The following GMCL1 variants were observed in gnomAD, a reference collection of about 807,000 sequenced individuals.
GMCL1 encodes the protein germ cell-less 1, spermatogenesis associated.
GMCL1 carries 54 observed loss-of-function variants against 75.5 expected under a neutral mutation model. The observed-to-expected ratio is 0.71, with a 90% CI of 0.57 to 0.90. The LOEUF (loss-of-function observed/expected upper bound fraction) is 0.90, where lower values mean the gene tolerates loss of function less well. GMCL1 is among the 40% of genes least tolerant of loss of function. GMCL1 has a pLI of 0.00. For synonymous variants in GMCL1, 210 were observed against 209.6 expected (o/e 1.00, Z -0.02); for missense variants, 537 against 622.7 (o/e 0.86, Z 1.47).
chr2:69,865,978 C>T (rs561573642), intron 11 of GMCL1, among the ~76,000 whole-genome samples: 1 of 152,190 alleles, frequency 6.6e-6, no homozygotes, highest in South Asian at 2.1e-4. Context: ...TGGCTGGGCA[C>T]GGCGGCTCAT....
intron 1 of GMCL1, among the ~76,000 whole-genome samples, chr2:69,835,424 G>C (rs146826511): frequency 1.6e-3 from 246 of 151,654 alleles, no homozygotes; most frequent in African/African-American, 5.8e-3. Context: ...GGGGTGGAGG[G>C]AGTCTCTCTG....
At chr2:69,856,625 T>TC (rs147185666) in intron 9 of GMCL1, among the ~76,000 whole-genome samples, 17,942 of 146,182 alleles carry the variant, frequency 0.12, 1,456 homozygotes, top group Non-Finnish European at 0.18. Context: ...AACAAAATCT[T>TC]CCATCTCTTC....
chr2:69,865,185 A>C (rs1675774533), intron 11 of GMCL1, among the ~76,000 whole-genome samples: 1 of 152,196 alleles, frequency 6.6e-6, no homozygotes, highest in Non-Finnish European at 1.5e-5. Flanking sequence ...CTGAACTTAA[A>C]TTTTGAGTTC....
At chr2:69,858,310 C>T (rs1056517368) in intron 9 of GMCL1, among the ~76,000 whole-genome samples, 5 of 152,176 alleles carry the variant, frequency 3.3e-5, no homozygotes, top group African/African-American at 1.2e-4. Context: ...TCACTGTACC[C>T]AGCCCCTATT....
intron 13 of GMCL1, among the ~76,000 whole-genome samples, chr2:69,874,344 T>C (rs1323406450): frequency 6.6e-6 from 1 of 151,330 alleles, no homozygotes; most frequent in African/African-American, 2.4e-5. Context: ...AAAACAAATA[T>C]TTGTTTTAAT....
At chr2:69,873,946 CTT>C (rs58504589) in intron 13 of GMCL1, 72 of 142,196 alleles carry the variant, frequency 5.1e-4, no homozygotes, top group Non-Finnish European at 7.9e-5. Flanking sequence ...TAATTGTAAC[CTT>C]TTTTTTTTTT....
chr2:69,869,964 G>A, intron 12 of GMCL1, 100 bp downstream of exon 12: 2 of 1,217,078 alleles, frequency 1.6e-6, no homozygotes, highest in Non-Finnish European at 2.3e-6. Context: ...ACTTTGGTAA[G>A]CTACAGTATA....
intron 13 of GMCL1, among the ~76,000 whole-genome samples, chr2:69,873,091 G>A (rs917458667): frequency 1.3e-5 from 2 of 152,194 alleles, no homozygotes; most frequent in Non-Finnish European, 2.9e-5. Flanking sequence ...AGCAGCTGCC[G>A]TGGTTGGGGG....
At chr2:69,850,144 G>A (rs1675272544) in intron 8 of GMCL1, among the ~76,000 whole-genome samples, 1 of 152,118 alleles carries the variant, frequency 6.6e-6, no homozygotes, top group Non-Finnish European at 1.5e-5. Context: ...CCATAGATAG[G>A]CTTTCATGTG....
At chr2:69,870,350 A>G (rs1271921061) in intron 12 of GMCL1, among the ~76,000 whole-genome samples, 2 of 152,246 alleles carry the variant, frequency 1.3e-5, no homozygotes, top group Non-Finnish European at 1.5e-5. Flanking sequence ...CACCAAATAC[A>G]AAAATTAACT....
Position 69,871,740 on chromosome 2 carries a change from C to T in GMCL1, c.1365-5C>T. On this transcript the variant is annotated splice_region_variant and splice_polypyrimidine_tract_variant and intron_variant, in intron 12 of 13. Coordinates refer to ENST00000282570, the MANE Select transcript of GMCL1 (RefSeq NM_178439.5). ...GTTTATTTTTTATTTTTTTTTTAAT[C>T]CTAGATTACGTTTGGCTTCTTTTGA... 2 of 1,445,084 alleles carry T rather than the reference C, an allele frequency of 1.4e-6. No individual in the cohort carries two copies. The highest frequency in any genetic ancestry group is 2.6e-5 in the South Asian group (2 of 77,742). 89.5% of individuals were successfully genotyped at this position (1,445,084 alleles called of 1,614,324 possible).
intron 9 of GMCL1, among the ~76,000 whole-genome samples, chr2:69,857,600 C>T (rs950537225): frequency 2.6e-5 from 4 of 152,108 alleles, no homozygotes; most frequent in Admixed American, 2.6e-4. Flanking sequence ...AGCTTCAGAA[C>T]TAGATTTTGA....
At chr2:69,878,565 A>T (rs990700463) in intron 13 of GMCL1, among the ~76,000 whole-genome samples, 6 of 152,262 alleles carry the variant, frequency 3.9e-5, no homozygotes, top group African/African-American at 1.2e-4. Context: ...ATGTATTTCT[A>T]GACATTGTAT....
rs1676219703 is a variant in GMCL1, at chr2:69,879,527, T to G, written c.*523T>G. 1 of 152,306 alleles carries G rather than the reference T, an allele frequency of 6.6e-6. No homozygotes were observed. The highest frequency in any genetic ancestry group is 2.4e-5 in the African/African-American group (1 of 41,468). 9.4% of individuals were successfully genotyped at this position (152,306 alleles called of 1,614,324 possible). ...TAACATTTTCACCTGCTCATTGTGA[T>G]TCCTCCTTTTAGTCTAATATCTTTC... On this transcript the variant is annotated 3_prime_UTR_variant, in exon 14 of 14. Transcript: ENST00000282570.
chr2:69,842,118 C>T (rs1675005991), intron 4 of GMCL1, among the ~76,000 whole-genome samples: 1 of 152,140 alleles, frequency 6.6e-6, no homozygotes, highest in Non-Finnish European at 1.5e-5. Context: ...GAGACAAAAA[C>T]TTGTTGCATT....
intron 10 of GMCL1, among the ~76,000 whole-genome samples, chr2:69,862,194 T>C (rs1486927421): frequency 2.0e-5 from 3 of 152,182 alleles, no homozygotes; most frequent in Non-Finnish European, 2.9e-5. Context: ...TCTTAATATA[T>C]AGGTATTGTG....
At chr2:69,838,836 G>A (rs1674898404) in intron 2 of GMCL1, among the ~76,000 whole-genome samples, 1 of 152,100 alleles carries the variant, frequency 6.6e-6, no homozygotes, top group African/African-American at 2.4e-5. Flanking sequence ...AGCCCCCTGA[G>A]GACAGAAACA....
intron 2 of GMCL1, 128 bp downstream of exon 2, chr2:69,837,798 T>C (rs1674861527): frequency 9.2e-7 from 1 of 1,087,994 alleles, no homozygotes; most frequent in Non-Finnish European, 1.3e-6. Flanking sequence ...ATTTGATCAG[T>C]CTGTAAGAAA....
chr2:69,859,741 C>CGAAAAAAAAAAAAA (rs1558546653), intron 9 of GMCL1, among the ~76,000 whole-genome samples: 1 of 39,472 alleles, frequency 2.5e-5, no homozygotes, highest in African/African-American at 1.3e-4. Flanking sequence ...CTCTCTCTCT[C>CGAAAAAAAAAAAAA]TAAAAAAAAA....
Sources: gnomAD v4.1 joint callset for allele counts (sites outside exome capture counted in the v4.1 genomes callset) on GRCh38, gnomAD v4.1.1 for gene constraint, MANE v1.5 for transcripts, NCBI Gene and HGNC (gene_info 2026-07-23, HGNC 2026-07-21) for gene names.